The following CHD7 variants were observed in gnomAD, a reference collection of about 807,000 sequenced individuals.
CHD7 encodes chromodomain helicase DNA binding protein 7.
In CHD7, 24 loss-of-function variants were observed where a neutral mutation model predicts 307.3. That is an observed-to-expected ratio of 0.08 (90% confidence interval 0.06 to 0.11). CHD7 has a LOEUF of 0.11. Among genes scored for constraint, CHD7 ranks in the 10% least tolerant of loss-of-function variants. The probability of loss-of-function intolerance (pLI) is 1.00; values close to 1 mark genes in which losing one functional copy is unlikely to be tolerated. For missense variants in CHD7, 3,106 were observed against 3,727.1 expected (o/e 0.83, Z 4.34); for synonymous variants, 1,363 against 1,349.9 (o/e 1.01, Z -0.21).
At chr8:60,771,991 C>T (rs1053752158) in intron 2 of CHD7, among the ~76,000 whole-genome samples, 2 of 152,166 alleles carry the variant, frequency 1.3e-5, no homozygotes, top group African/African-American at 4.8e-5. Context: ...CTTTTACCTT[C>T]GCTGTATTCT....
intron 1 of CHD7, among the ~76,000 whole-genome samples, chr8:60,705,749 T>A (rs892014701): frequency 6.6e-6 from 1 of 152,184 alleles, no homozygotes; most frequent in Non-Finnish European, 1.5e-5. Flanking sequence ...AGTATAAAGA[T>A]AATGGTGATG....
At chr8:60,744,565 A>C (rs1432460113) in intron 2 of CHD7, among the ~76,000 whole-genome samples, 1 of 139,452 alleles carries the variant, frequency 7.2e-6, no homozygotes, top group African/African-American at 2.7e-5. Flanking sequence ...AAAAAAAAGT[A>C]TTTTAGGCCA....
At chr8:60,812,755 A>T (rs1224691897) in intron 7 of CHD7, among the ~76,000 whole-genome samples, 1 of 148,822 alleles carries the variant, frequency 6.7e-6, no homozygotes, top group Non-Finnish European at 1.5e-5. Context: ...TATTTTATTT[A>T]TTTTTTTATT....
intron 25 of CHD7, 65 bp from the exon 26 acceptor site, chr8:60,850,428 T>C (rs1264934932): frequency 1.3e-6 from 2 of 1,551,306 alleles, no homozygotes; most frequent in Non-Finnish European, 1.8e-6. Flanking sequence ...GTGCTGTGAT[T>C]TTGCCAGTGA....
chr8:60,815,025 G>C (rs1037501905), intron 7 of CHD7, among the ~76,000 whole-genome samples: 1 of 152,180 alleles, frequency 6.6e-6, no homozygotes, highest in Non-Finnish European at 1.5e-5. Flanking sequence ...CAGATTTTCA[G>C]ATTTGGAACC....
At chr8:60,781,580 C>CCTTAGCTTTTTAGTT in intron 3 of CHD7, 150 bp downstream of exon 3, 1 of 1,201,450 alleles carries the variant, frequency 8.3e-7, no homozygotes, top group Non-Finnish European at 1.1e-6. Context: ...AACTAAAAAG[C>CCTTAGCTTTTTAGTT]TAAGGCTTTT....
At chr8:60,814,140 A>T (rs1812938082) in intron 7 of CHD7, among the ~76,000 whole-genome samples, 1 of 152,206 alleles carries the variant, frequency 6.6e-6, no homozygotes, top group African/African-American at 2.4e-5. Flanking sequence ...ATTCAGACAA[A>T]GCAGTCGTAT....
intron 1 of CHD7, among the ~76,000 whole-genome samples, chr8:60,683,760 GGTCTT>G (rs1354984250): frequency 3.3e-5 from 5 of 152,136 alleles, no homozygotes; most frequent in African/African-American, 1.2e-4. Context: ...GAGGGGTGCT[GGTCTT>G]GTCTTTGTTG....
At chr8:60,743,886 A>G (rs1255596147) in intron 2 of CHD7, among the ~76,000 whole-genome samples, 1 of 152,248 alleles carries the variant, frequency 6.6e-6, no homozygotes, top group African/African-American at 2.4e-5. Flanking sequence ...ATTCAAAAAT[A>G]TATACTGATT....
At chr8:60,849,381 G>A (rs911230672) in intron 25 of CHD7, among the ~76,000 whole-genome samples, 1 of 152,196 alleles carries the variant, frequency 6.6e-6, no homozygotes, top group African/African-American at 2.4e-5. Context: ...TTTCTTGGCT[G>A]TAAATAAAAC....
intron 2 of CHD7, among the ~76,000 whole-genome samples, chr8:60,752,095 G>A (rs1809668553): frequency 6.6e-6 from 1 of 152,098 alleles, no homozygotes; most frequent in Non-Finnish European, 1.5e-5. Flanking sequence ...TCTGTGTTTA[G>A]TTCTAAATCA....
intron 1 of CHD7, among the ~76,000 whole-genome samples, chr8:60,683,889 A>C (rs1805751372): frequency 6.9e-6 from 1 of 144,026 alleles, no homozygotes; most frequent in Non-Finnish European, 1.5e-5. Flanking sequence ...ACCAACAATA[A>C]TTTGCTTCTG....
intron 1 of CHD7, among the ~76,000 whole-genome samples, chr8:60,687,847 A>C (rs1355118522): frequency 6.6e-6 from 1 of 152,192 alleles, no homozygotes; most frequent in Non-Finnish European, 1.5e-5. Flanking sequence ...TGGAGGAGGA[A>C]TTTGAATCCA....
rs551443626 is a variant in CHD7, at chr8:60,823,929, T to C, written c.3291T>C (p.Ile1097=). 2 of 1,613,916 alleles carry C rather than the reference T, an allele frequency of 1.2e-6. No homozygotes were observed. Among genetic ancestry groups the C allele is most frequent in the Admixed American group, 3.3e-5 (2 of 60,000 alleles). ...CTGATTGTCCTGAGCTGCGGAATAT[T>C]CCATGGCGCTGTGTAGTCATTGATG... ...ILTDCPELRN[I]PWRCVVIDEA... Residue 1097 remains isoleucine (I), a synonymous_variant, in exon 13 of 38, where the codon ATT becomes ATC. Transcript: ENST00000423902.
chr8:60,767,536 A>G (rs1229460308), intron 2 of CHD7, among the ~76,000 whole-genome samples: 1 of 152,220 alleles, frequency 6.6e-6, no homozygotes, highest in African/African-American at 2.4e-5. Flanking sequence ...GCTGGTGCTC[A>G]GTGGCTGCCG....
At chr8:60,864,933 C>A in intron 37 of CHD7, 83 bp from the exon 38 acceptor site, 1 of 1,327,172 alleles carries the variant, frequency 7.5e-7, no homozygotes, top group South Asian at 1.4e-5. Context: ...TTTGGAATGG[C>A]AGGTTCACCA....
chr8:60,721,260 T>C, intron 1 of CHD7, among the ~76,000 whole-genome samples: 1 of 152,174 alleles, frequency 6.6e-6, no homozygotes, highest in Middle Eastern at 3.2e-3. Context: ...AGGATCCTGA[T>C]CTGACAGGAC....
chr8:60,856,797 A>G lies in CHD7; in HGVS notation c.7517A>G (p.Glu2506Gly). 6.2e-7 allele frequency: 1 copy of G among 1,609,518 alleles called. No individual in the cohort carries two copies. Among genetic ancestry groups the G allele is most frequent in the East Asian group, 2.2e-5 (1 of 44,820 alleles). Residue 2506 changes from glutamate to glycine, a missense_variant, in exon 34 of 38, where the codon GAG becomes GGG. Physicochemically the swap from Glu to Gly is moderately conservative, Grantham distance 98. Coordinates refer to ENST00000423902, the MANE Select transcript of CHD7 (RefSeq NM_017780.4). The stretch of plus-strand genomic sequence containing the variant: ...CTTAATGGCTCCCTAGTGGATGGAG[A>G]GCCTCCCATGAAGAGGAGGCGGGGA... Reference protein sequence around the residue: ...HLLNGSLVDGEPPMKRRRGRR... With the variant: ...HLLNGSLVDGGPPMKRRRGRR...
rs1287720804 is a variant in CHD7 at position 60,837,640 on chromosome 8, G to A, written c.4186-28G>A. Reference sequence around the variant, plus strand: ...AGACAGAAACATTAGGTTCATTGCAGTAACTATTAATTTCATTTTTCTTCC... The same window carrying A: ...AGACAGAAACATTAGGTTCATTGCAATAACTATTAATTTCATTTTTCTTCC... On this transcript the variant is annotated intron_variant, in intron 17 of 37. Transcript: ENST00000423902. 5 of 1,509,620 alleles carry A rather than the reference G, an allele frequency of 3.3e-6. No homozygotes were observed. The African/African-American group carries it at 5.6e-5, about 17-fold the overall frequency. 93.5% of individuals were successfully genotyped at this position (1,509,620 alleles called of 1,614,324 possible). A position where few individuals can be genotyped will look rare whatever the true frequency, so the allele number is the denominator to read the frequency against.
Sources: allele counts gnomAD v4.1 joint callset (sites outside exome capture counted in the v4.1 genomes callset), GRCh38; gene constraint gnomAD v4.1.1; transcripts MANE v1.5; gene names NCBI Gene and HGNC (gene_info 2026-07-23, HGNC 2026-07-21).